The following AP4E1 variants were observed in gnomAD, a reference collection of about 807,000 sequenced individuals.
AP4E1 encodes AP-4 complex subunit epsilon-1.
In AP4E1, 56 loss-of-function variants were observed where a neutral mutation model predicts 128.2. The ratio of observed to expected loss-of-function variants is 0.44; its 90% CI spans 0.35 to 0.55. The LOEUF (loss-of-function observed/expected upper bound fraction) is 0.55, where lower values mean the gene tolerates loss of function less well. Among genes scored for constraint, AP4E1 ranks in the 20% least tolerant of loss-of-function variants. The pLI, the probability that AP4E1 is intolerant of heterozygous loss-of-function variation, is 0.00. For missense variants in AP4E1, 1,324 were observed against 1,307.7 expected, an observed-to-expected ratio of 1.01 and a Z score of -0.19; for synonymous variants, 484 against 473.1, an observed-to-expected ratio of 1.02 and a Z score of -0.30.
chr15:50,936,724 G>A (rs1378825144), intron 8 of AP4E1, among the ~76,000 whole-genome samples: 6 of 152,024 alleles, frequency 3.9e-5, no homozygotes, highest in Admixed American at 2.0e-4. Flanking sequence ...TCACAAGGTC[G>A]GGAGTTCAAG....
At chr15:50,951,623 C>T (rs1020192999) in intron 13 of AP4E1, among the ~76,000 whole-genome samples, 4 of 152,038 alleles carry the variant, frequency 2.6e-5, no homozygotes, top group Admixed American at 6.6e-5. Flanking sequence ...AAATTTTCCC[C>T]AGATTTTTAC....
chr15:50,926,169 ACT>A (rs1307893335), intron 5 of AP4E1, among the ~76,000 whole-genome samples: 1 of 151,726 alleles, frequency 6.6e-6, no homozygotes, highest in Non-Finnish European at 1.5e-5. Flanking sequence ...ACAGAGTCTC[ACT>A]CTGTTGCCTA....
Position 51,005,579 on chromosome 15 carries a change from T to C in AP4E1, c.*2917T>C, listed in dbSNP as rs1243696595. 6.6e-6 allele frequency: 1 copy of C among 152,622 alleles called. No homozygotes were observed. The highest frequency in any genetic ancestry group is 1.5e-5 in the Non-Finnish European group (1 of 68,042). The allele number at this position is 152,622 out of a possible 1,614,324, so 9.5% of individuals were successfully genotyped here. A position where few individuals can be genotyped will look rare whatever the true frequency, so the allele number is the denominator to read the frequency against. On this transcript the variant is annotated 3_prime_UTR_variant, in exon 21 of 21. Transcript: ENST00000261842. ...AGAGGAGCATTATTTTAAACAATGT[T>C]CTACTATCATCTACCAAAATAATTG...
intron 1 of AP4E1, among the ~76,000 whole-genome samples, chr15:50,909,783 G>T (rs935480410): frequency 6.6e-6 from 1 of 152,072 alleles, no homozygotes; most frequent in African/African-American, 2.4e-5. Flanking sequence ...CGCCTTCCGG[G>T]TTCACGCCAT....
chr15:50,979,269 T>G (rs1427464833), intron 15 of AP4E1, among the ~76,000 whole-genome samples: 1 of 152,200 alleles, frequency 6.6e-6, no homozygotes, highest in Non-Finnish European at 1.5e-5. Flanking sequence ...GTATTTAAAT[T>G]TAATTGTCAT....
chr15:50,911,602 C>T (rs2141125406), intron 1 of AP4E1, among the ~76,000 whole-genome samples: 2 of 151,646 alleles, frequency 1.3e-5, no homozygotes, highest in Admixed American at 1.3e-4. Flanking sequence ...CCTGCCCCTG[C>T]CTCAGCCTCT....
intron 13 of AP4E1, among the ~76,000 whole-genome samples, chr15:50,953,022 G>A (rs1250615935): frequency 6.6e-6 from 1 of 152,088 alleles, no homozygotes; most frequent in Non-Finnish European, 1.5e-5. Flanking sequence ...TTTGAGATCA[G>A]CTTGGGCAAC....
At chr15:50,958,341 T>C (rs1269878967) in intron 13 of AP4E1, 151 bp from the exon 14 acceptor site, 3 of 659,808 alleles carry the variant, frequency 4.5e-6, no homozygotes, top group African/African-American at 3.6e-5. Flanking sequence ...ACCTAAAATA[T>C]ACAGTTGTAT....
intron 8 of AP4E1, among the ~76,000 whole-genome samples, chr15:50,939,060 G>A (rs1325258074): frequency 6.6e-6 from 1 of 152,130 alleles, no homozygotes; most frequent in Admixed American, 6.5e-5. Flanking sequence ...ATAAATGGTG[G>A]AACATTATTA....
Position 50,968,363 on chromosome 15 carries a change from T to C in AP4E1, c.1952T>C (p.Leu651Pro). Residue 651 changes from leucine to proline, a missense_variant, in exon 15 of 21, where the codon CTT becomes CCT. Leu to Pro is a moderately conservative substitution (Grantham distance 98, BLOSUM62 -3). Coordinates refer to ENST00000261842, the MANE Select transcript of AP4E1 (RefSeq NM_007347.5). ...KPPHQRQEEK[L>P]SQEKVLNFEP... Reference sequence around the variant, plus strand: ...CCCCATCAACGCCAGGAGGAAAAGCTTTCTCAGGAAAAAGGTAATTTTTCA... The same window carrying C: ...CCCCATCAACGCCAGGAGGAAAAGCCTTCTCAGGAAAAAGGTAATTTTTCA... 1.9e-6 allele frequency: 3 copies of C among 1,612,708 alleles called. No homozygotes were observed. The highest frequency in any genetic ancestry group is 2.5e-6 in the Non-Finnish European group (3 of 1,179,156).
chr15:51,002,840 C>T lies in AP4E1; in HGVS notation c.*178C>T. On this transcript the variant is annotated 3_prime_UTR_variant, in exon 21 of 21. Coordinates refer to ENST00000261842, the MANE Select transcript of AP4E1 (RefSeq NM_007347.5). The stretch of plus-strand genomic sequence containing the variant: ...AAGATCCCCAAAACTGTATCCCTAA[C>T]CTTTAACTCAGGATTGTACAGTATG... 1.3e-6 allele frequency: 1 copy of T among 765,204 alleles called. No homozygotes were observed. Among genetic ancestry groups the T allele is most frequent in the Non-Finnish European group, 2.1e-6 (1 of 474,332 alleles). The allele number at this position is 765,204 out of a possible 1,614,324, so 47.4% of individuals were successfully genotyped here. A position where few individuals can be genotyped will look rare whatever the true frequency, so the allele number is the denominator to read the frequency against.
At chr15:50,947,976 G>A (rs778905779) in intron 10 of AP4E1, 44 bp from the exon 11 acceptor site, 17 of 1,431,412 alleles carry the variant, frequency 1.2e-5, no homozygotes, top group Non-Finnish European at 1.5e-5. Context: ...TTGGTGTTAT[G>A]CATAGTTTTA....
chr15:50,945,535 C>G, intron 10 of AP4E1: 1 of 741,670 alleles, frequency 1.3e-6, no homozygotes, highest in Admixed American at 1.9e-5. Flanking sequence ...GGATTACCCT[C>G]CCACTGGGAA....
chr15:50,999,664 T>C (rs1270424882), intron 19 of AP4E1, among the ~76,000 whole-genome samples: 1 of 152,184 alleles, frequency 6.6e-6, no homozygotes, highest in Non-Finnish European at 1.5e-5. Flanking sequence ...TGTTAAGCTT[T>C]AGAGAAATGT....
intron 8 of AP4E1, among the ~76,000 whole-genome samples, chr15:50,937,221 G>C (rs2063919435): frequency 6.6e-6 from 1 of 152,186 alleles, no homozygotes; most frequent in Admixed American, 6.5e-5. Flanking sequence ...CAGGGACTGT[G>C]TCTCTCTTAT....
At chr15:50,919,752 A>G (rs189671835) in intron 3 of AP4E1, among the ~76,000 whole-genome samples, 2 of 151,776 alleles carry the variant, frequency 1.3e-5, no homozygotes, top group South Asian at 2.1e-4. Flanking sequence ...TTTTTAATGT[A>G]TATTATTGAG....
At chr15:50,924,260 A>T (rs1214876856) in intron 4 of AP4E1, among the ~76,000 whole-genome samples, 1 of 152,210 alleles carries the variant, frequency 6.6e-6, no homozygotes, top group South Asian at 2.1e-4. Flanking sequence ...TTTAAAACAC[A>T]GAGTTAGAAC....
chr15:50,987,158 C>G (rs967384674), intron 16 of AP4E1, among the ~76,000 whole-genome samples: 1 of 152,022 alleles, frequency 6.6e-6, no homozygotes, highest in African/African-American at 2.4e-5. Context: ...GGTGATATCC[C>G]CTTTATCATT....
chr15:50,982,838 A>G (rs1462429840), intron 15 of AP4E1, among the ~76,000 whole-genome samples: 1 of 152,214 alleles, frequency 6.6e-6, no homozygotes, highest in Non-Finnish European at 1.5e-5. Flanking sequence ...CTCTGGTGCT[A>G]GAATATCTGA....
Sources: allele counts gnomAD v4.1 joint callset (sites outside exome capture counted in the v4.1 genomes callset), GRCh38; gene constraint gnomAD v4.1.1; transcripts MANE v1.5; gene names NCBI Gene and HGNC (gene_info 2026-07-23, HGNC 2026-07-21).